PROM1: variants seen among roughly 807,000 people sequenced by gnomAD.
The protein encoded by PROM1 is prominin-1.
In PROM1, 105 loss-of-function variants were observed where a neutral mutation model predicts 116.9. The observed-to-expected ratio is 0.90, with a 90% CI of 0.77 to 1.06. The LOEUF is 1.06. Among genes scored for constraint, PROM1 ranks in the 50% least tolerant of loss-of-function variants. The probability of loss-of-function intolerance (pLI) is 0.00; values close to 1 mark genes in which losing one functional copy is unlikely to be tolerated. For synonymous variants in PROM1, 393 were observed against 387.0 expected (o/e 1.02, Z -0.18); for missense variants, 1,122 against 1,045.2 (o/e 1.07, Z -1.01).
intron 11 of PROM1, among the ~76,000 whole-genome samples, chr4:16,011,111 C>T (rs951597129): frequency 5.3e-5 from 8 of 152,116 alleles, no homozygotes; most frequent in African/African-American, 1.4e-4. Context: ...CCCTCACGCA[C>T]GACATGGCTC....
chr4:16,010,096 T>G (rs756799696), intron 11 of PROM1, among the ~76,000 whole-genome samples: 1 of 152,206 alleles, frequency 6.6e-6, no homozygotes, highest in Non-Finnish European at 1.5e-5. Flanking sequence ...GAAGTACATC[T>G]GTGTCTTTTC....
chr4:16,031,326 G>T (rs561037250), intron 5 of PROM1, among the ~76,000 whole-genome samples: 1 of 152,026 alleles, frequency 6.6e-6, no homozygotes, highest in Non-Finnish European at 1.5e-5. Context: ...AGACAAATGT[G>T]GCGTGTAAGT....
chr4:16,069,079 A>G (rs891564810), intron 2 of PROM1, among the ~76,000 whole-genome samples: 1 of 152,202 alleles, frequency 6.6e-6, no homozygotes, highest in Non-Finnish European at 1.5e-5. Flanking sequence ...TACTAAAAAT[A>G]CAAAAATTAG....
intron 4 of PROM1, among the ~76,000 whole-genome samples, chr4:16,034,653 C>T (rs1441430394): frequency 6.6e-6 from 1 of 152,076 alleles, no homozygotes; most frequent in East Asian, 1.9e-4. Flanking sequence ...ATGCATGTAG[C>T]TGCTTATATT....
At chr4:16,034,596 C>T (rs139948405) in intron 4 of PROM1, among the ~76,000 whole-genome samples, 1 of 152,020 alleles carries the variant, frequency 6.6e-6, no homozygotes, top group Non-Finnish European at 1.5e-5. Context: ...CCGGGATAAA[C>T]GAAAATTAAT....
At chr4:16,012,060 G>C (rs540246791) in intron 11 of PROM1, among the ~76,000 whole-genome samples, 1 of 151,878 alleles carries the variant, frequency 6.6e-6, no homozygotes, top group Non-Finnish European at 1.5e-5. Context: ...GCAGTGGCAC[G>C]ATCTCGGCTC....
chr4:15,992,224 C>T, intron 17 of PROM1, 24 bp downstream of exon 17: 1 of 1,606,724 alleles, frequency 6.2e-7, no homozygotes, highest in Admixed American at 1.7e-5. Flanking sequence ...CCTAAAGGAT[C>T]AAGCATGAAC....
At chr4:15,993,319 A>C (rs1384724169) in intron 16 of PROM1, among the ~76,000 whole-genome samples, 2 of 152,204 alleles carry the variant, frequency 1.3e-5, no homozygotes, top group Non-Finnish European at 2.9e-5. Flanking sequence ...GAAAGTCAGA[A>C]GAGGCCTCCA....
At chr4:16,035,332 C>T (rs1004882024) in intron 4 of PROM1, among the ~76,000 whole-genome samples, 6 of 152,114 alleles carry the variant, frequency 3.9e-5, no homozygotes, top group African/African-American at 1.4e-4. Flanking sequence ...TGAACCAAAA[C>T]CCAGGAGAGA....
intron 2 of PROM1, among the ~76,000 whole-genome samples, chr4:16,075,373 T>G (rs925448709): frequency 6.6e-6 from 1 of 152,196 alleles, no homozygotes; most frequent in African/African-American, 2.4e-5. Context: ...TACTCTAACT[T>G]TTACCTTTGG....
intron 2 of PROM1, among the ~76,000 whole-genome samples, chr4:16,042,585 A>G (rs1368121397): frequency 6.6e-6 from 1 of 152,222 alleles, no homozygotes; most frequent in Non-Finnish European, 1.5e-5. Context: ...CCATAAATTT[A>G]TACAAATTTA....
chr4:16,009,028 C>T lies in PROM1; in HGVS notation c.1222G>A (p.Ala408Thr). ...QRLPIQDILS[A>T]FSVYVNNTES... is the part of the protein sequence containing the mutation. Reference sequence around the variant, plus strand: ...GTGTTATTAACATAAACAGAGAATGCTGAGAGTATATCCTGAATAGGAAGA... The same window carrying T: ...GTGTTATTAACATAAACAGAGAATGTTGAGAGTATATCCTGAATAGGAAGA... The change falls in exon 12 of 28, where the codon GCA becomes ACA. Residue 408 changes from alanine to threonine, a missense_variant. Coordinates refer to ENST00000447510, the MANE Select transcript of PROM1 (RefSeq NM_006017.3). 6.3e-7 allele frequency: 1 copy of T among 1,599,420 alleles called. No homozygotes were observed. Among genetic ancestry groups the T allele is most frequent in the Non-Finnish European group, 8.6e-7 (1 of 1,167,048 alleles).
Position 15,980,427 on chromosome 4 carries a change from G to T in PROM1, c.2484C>A (p.Tyr828Ter). ...YYRRMDSEDV[Y>*]DDVETIPMKN... ...GTGGAAGCCCACATACTTACTCATC[G>T]TACACGTCCTCCGAATCCATTCGAC... Residue 828 changes from tyrosine (Y) to a stop codon, truncating the protein, a stop_gained, in exon 24 of 28, where the codon TAC (tyrosine) becomes TAA (stop). Coordinates refer to ENST00000447510, the MANE Select transcript of PROM1 (RefSeq NM_006017.3). LOFTEE classifies it high-confidence loss of function. The T allele has an allele frequency of 1.3e-6, 2 of 1,541,830 alleles. No individual in the cohort carries two copies. Among genetic ancestry groups the T allele is most frequent in the Non-Finnish European group, 1.8e-6 (2 of 1,138,996 alleles).
rs1365215211 is a variant in PROM1 at position 16,004,856 on chromosome 4, CCTTCCT to C, written c.1454+1676_1454+1681del. ...TTCTTCCTTCCTTCCTTCCTTCCTT[CCTTCCT>C]CTCTCTCTCCCTCTCTCTCTCTCTC... is the stretch of plus-strand genomic sequence containing the variant. On this transcript the variant is annotated intron_variant, in intron 13 of 27. Coordinates refer to ENST00000447510, the MANE Select transcript of PROM1 (RefSeq NM_006017.3). Among the ~76,000 whole-genome samples the C allele has an allele frequency of 5.8e-5, 8 of 137,410 alleles. 1 individual carries two copies. Among genetic ancestry groups the C allele is most frequent in the Non-Finnish European group, 9.5e-5 (6 of 63,160 alleles). The allele number at this position is 137,410 out of a possible 152,430, so 90.1% of individuals were successfully genotyped here.
rs182264854 is a variant in PROM1, at chr4:16,039,947, C to G, written c.221-946G>C. 6.8e-4 allele frequency among the ~76,000 whole-genome samples: 104 copies of G among 152,160 alleles called. 2 individuals carry two copies. Among genetic ancestry groups the G allele is most frequent in the African/African-American group, 2.4e-3 (99 of 41,528 alleles). On this transcript the variant is annotated intron_variant, in intron 2 of 27. Transcript: ENST00000447510. ...TGATATGAGACAACTGAGACATGGA[C>G]AGAGAGGGTGACATAGTGATTCGTG...
intron 2 of PROM1, among the ~76,000 whole-genome samples, chr4:16,052,074 T>C (rs1310719246): frequency 1.3e-5 from 2 of 152,210 alleles, no homozygotes; most frequent in Non-Finnish European, 2.9e-5. Flanking sequence ...GTTGGATCTA[T>C]ATCTACGCCT....
At chr4:16,035,799 G>A (rs775995120) in intron 3 of PROM1, 38 bp from the exon 4 acceptor site, 2 of 1,598,536 alleles carry the variant, frequency 1.3e-6, no homozygotes, top group South Asian at 2.2e-5. Flanking sequence ...TTTGGCAGAG[G>A]CAGCATGCAT....
At chr4:16,028,078 CACCGACA>C (rs72415564) in intron 5 of PROM1, among the ~76,000 whole-genome samples, 6,675 of 152,034 alleles carry the variant, frequency 0.044, 484 homozygotes, top group African/African-American at 0.15. Context: ...CTACTTGGGA[CACCGACA>C]TGGGATAATC....
At chr4:16,034,381 T>C (rs1733524531) in intron 4 of PROM1, among the ~76,000 whole-genome samples, 1 of 152,158 alleles carries the variant, frequency 6.6e-6, no homozygotes, top group African/African-American at 2.4e-5. Flanking sequence ...AACGCATGAT[T>C]AGAAATAATG....
Sources: gnomAD v4.1 joint callset for allele counts (sites outside exome capture counted in the v4.1 genomes callset) on GRCh38, gnomAD v4.1.1 for gene constraint, MANE v1.5 for transcripts, NCBI Gene and HGNC (gene_info 2026-07-23, HGNC 2026-07-21) for gene names.